The following RELN variants were observed in gnomAD, a reference collection of about 807,000 sequenced individuals.
RELN encodes reelin.
Under a neutral mutation model 427.6 loss-of-function variants are expected in RELN, and 108 were observed. The observed-to-expected ratio is 0.25, with a 90% CI of 0.22 to 0.30. The LOEUF is 0.30. Among genes scored for constraint, RELN ranks in the 10% least tolerant of loss-of-function variants. The probability of loss-of-function intolerance (pLI) is 1.00; values close to 1 mark genes in which losing one functional copy is unlikely to be tolerated. For synonymous variants in RELN, 1,524 were observed against 1,513.4 expected (o/e 1.01, Z -0.16); for missense variants, 3,715 against 4,302.8 (o/e 0.86, Z 3.82).
intron 2 of RELN, among the ~76,000 whole-genome samples, chr7:103,916,115 A>C (rs184136799): frequency 4.8e-4 from 73 of 152,276 alleles, no homozygotes; most frequent in African/African-American, 1.7e-3. Flanking sequence ...TGTGGACCTC[A>C]TCTTGGGCAA....
Position 103,563,623 on chromosome 7 carries a change from T to C in RELN, c.5210+1655A>G, listed in dbSNP as rs182337194. ...TTAGTGGAGCCTAAGTGCATAGTGT[T>C]TATGAAATCTATAGTAGTGTACAGT... On this transcript the variant is annotated intron_variant, in intron 34 of 64. Transcript: ENST00000428762. The surrounding 1 kb of genome is among the most constrained non-coding windows in gnomAD (Gnocchi z 4.1). Among the ~76,000 whole-genome samples, 3 of 152,292 alleles carry C rather than the reference T, an allele frequency of 2.0e-5. No homozygotes were observed. The highest frequency in any genetic ancestry group is 4.4e-5 in the Non-Finnish European group (3 of 68,018).
chr7:103,678,919 G>A (rs1485005308), intron 11 of RELN, among the ~76,000 whole-genome samples: 3 of 152,120 alleles, frequency 2.0e-5, no homozygotes, highest in Non-Finnish European at 4.4e-5. Context: ...GTGGATGAAA[G>A]AAGGAGACAA....
intron 2 of RELN, among the ~76,000 whole-genome samples, chr7:103,906,585 G>C (rs780737198): frequency 6.6e-6 from 1 of 152,088 alleles, no homozygotes; most frequent in Non-Finnish European, 1.5e-5. Context: ...AGCCGTTATA[G>C]AGCATGGCTG....
At chr7:103,681,025 C>T (rs1308774385) in intron 11 of RELN, among the ~76,000 whole-genome samples, 1 of 152,118 alleles carries the variant, frequency 6.6e-6, no homozygotes, top group Non-Finnish European at 1.5e-5. Context: ...CAGAGTTTGA[C>T]ACTGAAAGAC....
chr7:103,492,677 T>C (rs956102703), intron 57 of RELN, among the ~76,000 whole-genome samples: 1 of 152,106 alleles, frequency 6.6e-6, no homozygotes, highest in Non-Finnish European at 1.5e-5. Flanking sequence ...AACTCTAAAT[T>C]CAGAGAGAGA....
intron 8 of RELN, among the ~76,000 whole-genome samples, chr7:103,702,748 G>C (rs1415374081): frequency 2.0e-5 from 3 of 152,100 alleles, no homozygotes; most frequent in African/African-American, 7.2e-5. Flanking sequence ...ATTGTCAAGG[G>C]ACCCTCACTG....
intron 51 of RELN, among the ~76,000 whole-genome samples, chr7:103,509,427 G>T (rs1279231995): frequency 6.6e-6 from 1 of 152,176 alleles, no homozygotes; most frequent in Non-Finnish European, 1.5e-5. Flanking sequence ...TTAATAAATG[G>T]TGTTGGGAAA....
intron 2 of RELN, among the ~76,000 whole-genome samples, chr7:103,852,817 A>G (rs1364448747): frequency 6.6e-6 from 1 of 152,126 alleles, no homozygotes; most frequent in Admixed American, 6.5e-5. Flanking sequence ...GTAGCAGATT[A>G]TGTACCATAA....
intron 4 of RELN, among the ~76,000 whole-genome samples, chr7:103,755,632 T>A (rs78064208): frequency 0.57 from 79,985 of 139,930 alleles, 23,165 homozygotes; most frequent in Non-Finnish European, 0.6. Context: ...AAAAATAAAA[T>A]AAATAAAATA....
intron 12 of RELN, among the ~76,000 whole-genome samples, chr7:103,660,010 T>C (rs1034155411): frequency 4.6e-5 from 7 of 152,148 alleles, no homozygotes; most frequent in South Asian, 2.1e-4. Flanking sequence ...TTTTAATTCA[T>C]TGATTAATAA....
At chr7:103,474,362 A>G (rs372501453) in intron 64 of RELN, among the ~76,000 whole-genome samples, 13 of 152,328 alleles carry the variant, frequency 8.5e-5, no homozygotes, top group African/African-American at 3.1e-4. Flanking sequence ...CAATAATATC[A>G]AAATGCTAGA....
rs1563092092 is a variant in RELN, at chr7:103,920,574, TTTTTG to T, written c.227-3394_227-3390del. On this transcript the variant is annotated intron_variant, in intron 1 of 64. Coordinates refer to ENST00000428762, the MANE Select transcript of RELN (RefSeq NM_005045.4). ...TTGTTGTACCAGTCTTTGGTTTTTT[TTTTTG>T]TTTTTTTTTTTTTTGAGAGAGTCTC... Among the ~76,000 whole-genome samples, 704 of 114,096 alleles carry T rather than the reference TTTTTG, an allele frequency of 6.2e-3. 12 individuals are homozygous for T. Among genetic ancestry groups the T allele is most frequent in the African/African-American group, 0.028 (680 of 24,222 alleles). The allele number at this position is 114,096 out of a possible 152,430, so 74.9% of individuals were successfully genotyped here. A position where few individuals can be genotyped will look rare whatever the true frequency, so the allele number is the denominator to read the frequency against.
intron 1 of RELN, among the ~76,000 whole-genome samples, chr7:103,963,340 C>T (rs202109949): frequency 1.3e-5 from 2 of 152,230 alleles, no homozygotes. Context: ...CATGATCTTA[C>T]GTCACCCTCT....
At chr7:103,954,410 G>T (rs1221193305) in intron 1 of RELN, among the ~76,000 whole-genome samples, 3 of 151,668 alleles carry the variant, frequency 2.0e-5, no homozygotes, top group Non-Finnish European at 4.4e-5. Context: ...TTGTGAGGGT[G>T]TGTGTGTGTG....
chr7:103,893,298 T>C (rs1794889520), intron 2 of RELN, among the ~76,000 whole-genome samples: 1 of 152,148 alleles, frequency 6.6e-6, no homozygotes, highest in South Asian at 2.1e-4. Flanking sequence ...AGGACTTGTC[T>C]CTTTCCTTCC....
chr7:103,486,388 G>A lies in RELN; in HGVS notation c.9792C>T (p.Asp3264=). Residue 3264 remains aspartate, a synonymous_variant, in exon 61 of 65, where the codon GAC becomes GAT. Coordinates refer to ENST00000428762, the MANE Select transcript of RELN (RefSeq NM_005045.4). ...AATTATCTTTAATATAACTGGGAAG[G>A]TCGTGACTGAAAACAGAGCAGTCAT... ...QGDDCSVFSH[D]LPSYIKDNFE... The A allele has an allele frequency of 6.2e-7, 1 of 1,614,086 alleles. No homozygotes were observed. Among genetic ancestry groups the A allele is most frequent in the Non-Finnish European group, 8.5e-7 (1 of 1,179,982 alleles).
chr7:103,947,021 A>G (rs942850488), intron 1 of RELN, among the ~76,000 whole-genome samples: 2 of 152,222 alleles, frequency 1.3e-5, no homozygotes, highest in Non-Finnish European at 2.9e-5. Flanking sequence ...CTAGCTGTGG[A>G]AATAATAGGA....
intron 3 of RELN, among the ~76,000 whole-genome samples, chr7:103,791,531 T>G (rs999760173): frequency 3.9e-5 from 6 of 152,104 alleles, no homozygotes; most frequent in African/African-American, 1.2e-4. Flanking sequence ...GATATCCACA[T>G]GCAAAAGAAT....
At chr7:103,979,915 A>C (rs1796956467) in intron 1 of RELN, among the ~76,000 whole-genome samples, 2 of 152,282 alleles carry the variant, frequency 1.3e-5, no homozygotes, top group Non-Finnish European at 2.9e-5. Context: ...TAATCCCAGC[A>C]CTTTGGGAGG....
Sources: allele counts gnomAD v4.1 joint callset (sites outside exome capture counted in the v4.1 genomes callset), GRCh38; gene constraint gnomAD v4.1.1; non-coding constraint Gnocchi (gnomAD v3.1); transcripts MANE v1.5; gene names NCBI Gene and HGNC (gene_info 2026-07-23, HGNC 2026-07-21).